IMMP2L: variants seen among roughly 807,000 people sequenced by gnomAD.
The protein encoded by IMMP2L is inner mitochondrial membrane peptidase subunit 2, also known as mitochondrial inner membrane protease subunit 2.
In IMMP2L, 18 loss-of-function variants were observed where a neutral mutation model predicts 19.3. That is an observed-to-expected ratio of 0.93 (90% CI 0.64 to 1.38). The LOEUF (loss-of-function observed/expected upper bound fraction) is 1.38. IMMP2L is among the 40% of genes most tolerant of loss of function. The probability of loss-of-function intolerance (pLI) is 0.00; values close to 1 mark genes in which losing one functional copy is unlikely to be tolerated. For synonymous variants in IMMP2L, 76 were observed against 73.0 expected (o/e 1.04, Z -0.21); for missense variants, 233 against 218.2 (o/e 1.07, Z -0.43).
intron 3 of IMMP2L, among the ~76,000 whole-genome samples, chr7:111,038,571 T>G (rs748208932): frequency 2.6e-5 from 4 of 152,018 alleles, no homozygotes; most frequent in Non-Finnish European, 5.9e-5. Context: ...CTAACTAAAA[T>G]GTAAAGAGGT....
chr7:110,669,077 G>A (rs1390656195), intron 5 of IMMP2L, among the ~76,000 whole-genome samples: 7,011 of 93,152 alleles, frequency 0.075, 246 homozygotes, highest in African/African-American at 0.16. Flanking sequence ...GTGTGTGTGT[G>A]TGTGTGTGTG....
intron 5 of IMMP2L, among the ~76,000 whole-genome samples, chr7:110,814,976 G>C (rs1802361695): frequency 6.6e-6 from 1 of 151,902 alleles, no homozygotes; most frequent in African/African-American, 2.4e-5. Context: ...ACAATAGCAA[G>C]CCTCGTAAAA....
intron 3 of IMMP2L, among the ~76,000 whole-genome samples, chr7:111,463,128 T>C (rs1425977888): frequency 6.6e-6 from 1 of 152,070 alleles, no homozygotes; most frequent in Non-Finnish European, 1.5e-5. Flanking sequence ...AGGTGTTCCT[T>C]GACTTGCACA....
At chr7:111,128,735 G>C (rs1801557520) in intron 3 of IMMP2L, among the ~76,000 whole-genome samples, 1 of 152,172 alleles carries the variant, frequency 6.6e-6, no homozygotes, top group Non-Finnish European at 1.5e-5. Flanking sequence ...TGAGGCAGGA[G>C]AATCGCTTGA....
intron 3 of IMMP2L, among the ~76,000 whole-genome samples, chr7:111,303,445 A>G (rs1822483352): frequency 6.6e-6 from 1 of 152,094 alleles, no homozygotes; most frequent in Non-Finnish European, 1.5e-5. Context: ...GAAGCAATCA[A>G]TCTTGATTAT....
intron 1 of IMMP2L, among the ~76,000 whole-genome samples, chr7:111,558,689 T>C (rs1307781808): frequency 6.6e-6 from 1 of 152,132 alleles, no homozygotes; most frequent in East Asian, 1.9e-4. Context: ...CAAAACACTA[T>C]TATATATGTT....
At chr7:111,231,688 A>C (rs1291965448) in intron 3 of IMMP2L, among the ~76,000 whole-genome samples, 1 of 151,980 alleles carries the variant, frequency 6.6e-6, no homozygotes, top group East Asian at 1.9e-4. Flanking sequence ...GGCTTAGTAA[A>C]TATTTTTTGA....
chr7:110,684,049 T>G (rs184132078), intron 5 of IMMP2L, among the ~76,000 whole-genome samples: 16 of 152,246 alleles, frequency 1.1e-4, no homozygotes, highest in African/African-American at 3.8e-4. Context: ...TGATTTTGAA[T>G]GTGCACAGTT....
chr7:110,923,146 A>C (rs1814486676), intron 4 of IMMP2L, among the ~76,000 whole-genome samples: 1 of 152,222 alleles, frequency 6.6e-6, no homozygotes, highest in Non-Finnish European at 1.5e-5. Context: ...GAAAAAGAAC[A>C]TGTAAACAGT....
In IMMP2L at chr7:111,205,744, C is replaced by T. The variant is rs189602229; in HGVS notation, c.240-242179G>A. On this transcript the variant is annotated intron_variant, in intron 3 of 5. Transcript: ENST00000405709. The stretch of plus-strand genomic sequence containing the variant: ...CATCTTGCTCCCATTCTGCTCTCTC[C>T]CAGTTGCTGCTCTAGAGCTGAGTCT... Among the ~76,000 whole-genome samples, 115 of 152,168 alleles carry T rather than the reference C, an allele frequency of 7.6e-4. 1 individual carries two copies. The highest frequency in any genetic ancestry group is 2.6e-3 in the African/African-American group (107 of 41,522).
intron 3 of IMMP2L, among the ~76,000 whole-genome samples, chr7:111,264,242 G>A (rs1228637637): frequency 6.6e-6 from 1 of 152,112 alleles, no homozygotes; most frequent in Non-Finnish European, 1.5e-5. Flanking sequence ...ATGAGATCAT[G>A]AACATCACCT....
intron 3 of IMMP2L, chr7:111,395,081 TGA>T: frequency 5.4e-6 from 1 of 184,088 alleles, no homozygotes; most frequent in Non-Finnish European, 1.2e-5. Context: ...CATGTGAACA[TGA>T]GAGTGGCCAA....
intron 3 of IMMP2L, among the ~76,000 whole-genome samples, chr7:111,336,811 A>C (rs1244698103): frequency 1.3e-5 from 2 of 151,908 alleles, no homozygotes; most frequent in Non-Finnish European, 2.9e-5. Flanking sequence ...ATTATTGATT[A>C]ATCAAGTTGC....
At chr7:111,154,200 TTAAAAA>T (rs1804386197) in intron 3 of IMMP2L, among the ~76,000 whole-genome samples, 1 of 152,132 alleles carries the variant, frequency 6.6e-6, no homozygotes, top group Non-Finnish European at 1.5e-5. Context: ...GCTTAAAATG[TTAAAAA>T]TAAAATTAAA....
chr7:110,939,388 C>CAAAAA (rs58982346), intron 4 of IMMP2L, among the ~76,000 whole-genome samples: 28 of 125,632 alleles, frequency 2.2e-4, no homozygotes, highest in Non-Finnish European at 2.7e-4. Context: ...TGCAAAATTG[C>CAAAAA]AAAAAAAAAA....
chr7:110,790,249 G>T lies in IMMP2L; in HGVS notation c.408+96344C>A, dbSNP rs148706986. ...AGTATAACTGGGACAGAATGAAAAT[G>T]GGGGAGAGTGTATGTGACAAGGTCA... On this transcript the variant is annotated intron_variant, in intron 5 of 5. Coordinates refer to ENST00000405709, the MANE Select transcript of IMMP2L (RefSeq NM_032549.4). Among the ~76,000 whole-genome samples the T allele has an allele frequency of 4.2e-3, 631 of 151,782 alleles. 11 individuals carry two copies. The highest frequency in any genetic ancestry group is 0.01 in the African/African-American group (424 of 41,174).
At chr7:111,297,801 A>AAGG in intron 3 of IMMP2L, among the ~76,000 whole-genome samples, 1 of 152,136 alleles carries the variant, frequency 6.6e-6, no homozygotes, top group Admixed American at 6.6e-5. Flanking sequence ...AAAAGAAACC[A>AAGG]GACTCAAAAA....
intron 3 of IMMP2L, among the ~76,000 whole-genome samples, chr7:111,313,110 C>G (rs995325756): frequency 1.3e-5 from 2 of 152,066 alleles, no homozygotes; most frequent in African/African-American, 4.8e-5. Flanking sequence ...TCAACAGAGC[C>G]TATACTGTCC....
intron 3 of IMMP2L, among the ~76,000 whole-genome samples, chr7:111,299,456 A>G (rs1821978895): frequency 6.6e-6 from 1 of 152,048 alleles, no homozygotes. Context: ...TCAAAATGCA[A>G]CATAGAATTC....
Sources: allele counts gnomAD v4.1 joint callset (sites outside exome capture counted in the v4.1 genomes callset), GRCh38; gene constraint gnomAD v4.1.1; transcripts MANE v1.5; gene names NCBI Gene and HGNC (gene_info 2026-07-23, HGNC 2026-07-21).